The following RAB37 variants were observed in gnomAD, a reference collection of about 807,000 sequenced individuals.
RAB37 encodes RAB37, member RAS oncogene family.
RAB37 carries 29 observed loss-of-function variants against 33.1 expected under a neutral mutation model. That is an observed-to-expected ratio of 0.88 (90% confidence interval 0.65 to 1.20). The LOEUF is 1.20. RAB37 is among the 50% of genes most tolerant of loss of function. The pLI is 0.00. For synonymous variants in RAB37, 128 were observed against 119.5 expected, an observed-to-expected ratio of 1.07 and a Z score of -0.47; for missense variants, 299 against 301.1, an observed-to-expected ratio of 0.99 and a Z score of 0.05.
intron 1 of RAB37, among the ~76,000 whole-genome samples, chr17:74,675,399 C>T (rs1033845444): frequency 2.0e-5 from 3 of 151,064 alleles, no homozygotes; most frequent in East Asian, 3.9e-4. Flanking sequence ...CACACCACTG[C>T]ACTTCAGCCT....
rs554713536 is a variant in RAB37, at chr17:74,730,436, C to A, written c.183+1070C>A. 2.0e-5 allele frequency among the ~76,000 whole-genome samples: 3 copies of A among 152,266 alleles called. No individual in the cohort carries two copies. The highest frequency in any genetic ancestry group is 4.1e-4 in the South Asian group (2 of 4,824). On this transcript the variant is annotated intron_variant, in intron 2 of 7. Transcript: ENST00000340415. The surrounding 1 kb of genome is among the most constrained non-coding windows in gnomAD (Gnocchi z 4.4). ...CAGAATGAACATGGCTTCTGCATGA[C>A]CTTCCAGGAGGCAAAGCGGAAGTGA...
At chr17:74,733,948 AG>A (rs2034429418), upstream of RAB37, among the ~76,000 whole-genome samples, 2 of 152,140 alleles carry the variant, frequency 1.3e-5, no homozygotes, top group South Asian at 2.1e-4. Context: ...CTTCTTCCCT[AG>A]GTCAGATTCC....
Position 74,745,237 on chromosome 17 carries a change from G to A in RAB37, c.567-69G>A, listed in dbSNP as rs915523999. On this transcript the variant is annotated intron_variant, in intron 8 of 8. Coordinates refer to ENST00000392613, the MANE Select transcript of RAB37 (RefSeq NM_001006638.3). The surrounding 1 kb of genome is among the most constrained non-coding windows in gnomAD (Gnocchi z 4.5). ...GGGAGCACTGGGCCACTGGGAGAGG[G>A]GAGGGGGCGGCTCAGCTCCTCACCC... The A allele has an allele frequency of 1.9e-6, 3 of 1,546,704 alleles. No homozygotes were observed. Among genetic ancestry groups the A allele is most frequent in the Admixed American group, 1.7e-5 (1 of 59,824 alleles).
chr17:74,733,879 ACATTACC>A (rs1469188417), upstream of RAB37, among the ~76,000 whole-genome samples: 2 of 152,010 alleles, frequency 1.3e-5, no homozygotes, highest in African/African-American at 4.8e-5. Flanking sequence ...TCCAAGTATG[ACATTACC>A]CACATACCAC....
intron 1 of RAB37, among the ~76,000 whole-genome samples, chr17:74,699,296 T>C (rs148272472): frequency 1.3e-3 from 192 of 152,282 alleles, no homozygotes; most frequent in African/African-American, 4.2e-3. Context: ...ACAGAAATTG[T>C]AGGGCAGCAG....
At chr17:74,715,230 A>G (rs1360499155) in intron 1 of RAB37, among the ~76,000 whole-genome samples, 1 of 152,196 alleles carries the variant, frequency 6.6e-6, no homozygotes, top group Non-Finnish European at 1.5e-5. Context: ...CATCTTGACA[A>G]GGGAGTGAGT....
chr17:74,719,348 G>C (rs897036138), intron 1 of RAB37, among the ~76,000 whole-genome samples: 1 of 152,102 alleles, frequency 6.6e-6, no homozygotes, highest in African/African-American at 2.4e-5. Context: ...TACTTGGGAG[G>C]CTGAAGTGGG....
intron 1 of RAB37, among the ~76,000 whole-genome samples, chr17:74,678,773 G>A (rs1445586147): frequency 6.6e-6 from 1 of 152,010 alleles, no homozygotes; most frequent in African/African-American, 2.4e-5. Flanking sequence ...GTGATCATCC[G>A]TTTTTGTTCT....
At position 74,671,399 on chromosome 17, in the gene RAB37, G is replaced by GTGGCCGCC. The variant is rs2031700660; in HGVS notation, c.-185_-178dup. 3.4e-6 allele frequency: 2 copies of GTGGCCGCC among 595,916 alleles called. No homozygotes were observed. Among genetic ancestry groups the GTGGCCGCC allele is most frequent in the Non-Finnish European group, 5.9e-6 (2 of 336,590 alleles). The allele number at this position is 595,916 out of a possible 1,614,324, so 36.9% of individuals were successfully genotyped here. Reference sequence around the variant, plus strand: ...CTGAAACGCTCAGTCCTGGAAGAACGTGGCCGCCTGCCCGCCTGGTACCGC... The same window carrying GTGGCCGCC: ...CTGAAACGCTCAGTCCTGGAAGAACGTGGCCGCCTGGCCGCCTGCCCGCCTGGTACCGC... On this transcript the variant is annotated 5_prime_UTR_variant, in exon 1 of 8. Transcript: ENST00000340415. This position sits in a 1 kb window ranked among gnomAD's most constrained non-coding sequence, Gnocchi z 5.0.
rs35583593 is a variant in RAB37 at position 74,706,282 on chromosome 17, A to AAT, written c.73-22957_73-22956dup. Among the ~76,000 whole-genome samples, 609 of 145,128 alleles carry AAT rather than the reference A, an allele frequency of 4.2e-3. 2 individuals are homozygous for AAT. Among genetic ancestry groups the AAT allele is most frequent in the Middle Eastern group, 0.014 (4 of 284 alleles). On this transcript the variant is annotated intron_variant, in intron 1 of 7. Transcript: ENST00000340415. ...AAAAAACATTTTAAAGGAAAAAAAAAATATATATATATATATATCCCAAAG... is the reference window on the plus strand; with the variant it reads ...AAAAAACATTTTAAAGGAAAAAAAAAATATATATATATATATATATCCCAAAG...
At chr17:74,716,204 C>T (rs184134502) in intron 1 of RAB37, among the ~76,000 whole-genome samples, 47 of 152,256 alleles carry the variant, frequency 3.1e-4, no homozygotes, top group African/African-American at 1.1e-3. Context: ...CCAGTTATAT[C>T]CCTGGGCTTC....
At chr17:74,688,862 A>T (rs990792303) in intron 1 of RAB37, among the ~76,000 whole-genome samples, 2 of 152,210 alleles carry the variant, frequency 1.3e-5, no homozygotes, top group Non-Finnish European at 2.9e-5. Context: ...AAACCCCAGG[A>T]TCATGTGTGT....
At chr17:74,718,281 G>A (rs1366414599) in intron 1 of RAB37, among the ~76,000 whole-genome samples, 4 of 151,644 alleles carry the variant, frequency 2.6e-5, no homozygotes, top group Non-Finnish European at 5.9e-5. Flanking sequence ...GTGACAGAGT[G>A]AGACACTGTC....
At chr17:74,712,972 T>C in intron 1 of RAB37, 3 of 1,162,466 alleles carry the variant, frequency 2.6e-6, no homozygotes, top group South Asian at 2.7e-5. Context: ...TTGAACTTCC[T>C]CCTTCAGTCA....
At chr17:74,715,465 G>A (rs1305365663) in intron 1 of RAB37, among the ~76,000 whole-genome samples, 7 of 152,180 alleles carry the variant, frequency 4.6e-5, no homozygotes, top group Admixed American at 2.6e-4. Context: ...TAGGTCCTCT[G>A]CCCAGGGCAC....
At chr17:74,708,723 T>C (rs2033716266) in intron 1 of RAB37, among the ~76,000 whole-genome samples, 1 of 152,136 alleles carries the variant, frequency 6.6e-6, no homozygotes, top group Non-Finnish European at 1.5e-5. Context: ...GAGACCATCC[T>C]GGCTAACACG....
intron 1 of RAB37, among the ~76,000 whole-genome samples, chr17:74,714,503 G>A (rs952292260): frequency 6.6e-6 from 1 of 151,888 alleles, no homozygotes. Flanking sequence ...GACAAGAGGC[G>A]CTTTGTCCTG....
chr17:74,675,381 A>C (rs1220420927), intron 1 of RAB37, among the ~76,000 whole-genome samples: 1 of 151,640 alleles, frequency 6.6e-6, no homozygotes, highest in Non-Finnish European at 1.5e-5. Flanking sequence ...GTTGCAGTGA[A>C]CCAAGATCAC....
intron 1 of RAB37, among the ~76,000 whole-genome samples, chr17:74,704,079 C>A (rs1054999222): frequency 6.6e-6 from 1 of 152,150 alleles, no homozygotes; most frequent in Admixed American, 6.5e-5. Flanking sequence ...AGCTATGAAG[C>A]CCCAGCCCAG....
Sources: gnomAD v4.1 joint callset for allele counts (sites outside exome capture counted in the v4.1 genomes callset) on GRCh38, gnomAD v4.1.1 for gene constraint, Gnocchi (gnomAD v3.1) non-coding constraint, MANE v1.5 for transcripts, NCBI Gene and HGNC (gene_info 2026-07-23, HGNC 2026-07-21) for gene names.